Variants in USP42 observed in about 807,000 individuals in gnomAD.
USP42 encodes ubiquitin specific peptidase 42, also known as ubiquitin carboxyl-terminal hydrolase 42.
In USP42, 23 loss-of-function variants were observed where a neutral mutation model predicts 113.0. The observed-to-expected ratio is 0.20, with a 90% CI of 0.15 to 0.29. The LOEUF (loss-of-function observed/expected upper bound fraction) is 0.29. Ranked by LOEUF, USP42 falls within the 10% of genes least tolerant of loss-of-function variation. The pLI, the probability that USP42 is intolerant of heterozygous loss-of-function variation, is 1.00. For missense variants in USP42, 2,174 were observed against 1,779.8 expected (o/e 1.22, Z -3.99); for synonymous variants, 933 against 699.0 (o/e 1.33, Z -5.28).
intron 6 of USP42, 44 bp from the exon 7 acceptor site, chr7:6,140,870 A>G: frequency 9.2e-7 from 1 of 1,092,866 alleles, no homozygotes; most frequent in East Asian, 2.5e-5. Context: ...TGTTGCTGTA[A>G]TGATTATACT....
chr7:6,102,266 A>C (rs1042016943), upstream of USP42, among the ~76,000 whole-genome samples: 3 of 149,302 alleles, frequency 2.0e-5, no homozygotes, highest in African/African-American at 7.6e-5. Flanking sequence ...AGGTGCCATC[A>C]CCACAGCCAA....
the USP42 span, among the ~76,000 whole-genome samples, chr7:6,098,735 G>A: frequency 1.3e-5 from 2 of 149,560 alleles, no homozygotes; most frequent in Admixed American, 6.7e-5. Context: ...TAGTAGAGAC[G>A]GGGTTTCACC....
upstream of USP42, among the ~76,000 whole-genome samples, chr7:6,100,872 T>C (rs1790105694): frequency 6.6e-6 from 1 of 150,666 alleles, no homozygotes; most frequent in African/African-American, 2.5e-5. Flanking sequence ...TTCACCATGT[T>C]GGTCACGCTG....
intron 3 of USP42, among the ~76,000 whole-genome samples, chr7:6,129,707 A>C (rs1780741809): frequency 6.6e-6 from 1 of 152,038 alleles, no homozygotes; most frequent in Admixed American, 6.6e-5. Flanking sequence ...CTAAAAATAC[A>C]AAAATTAGCC....
intron 3 of USP42, among the ~76,000 whole-genome samples, chr7:6,129,559 G>GAAA (rs34404773): frequency 9.7e-6 from 1 of 103,334 alleles, no homozygotes; most frequent in Non-Finnish European, 2.0e-5. Flanking sequence ...TCTGCCTCAG[G>GAAA]AAAAAAAAAA....
chr7:6,114,678 ATTT>A (rs869283400), intron 2 of USP42, among the ~76,000 whole-genome samples: 4 of 18,872 alleles, frequency 2.1e-4, no homozygotes, highest in East Asian at 4.1e-3. Context: ...ATATATATAT[ATTT>A]TTTTTTTTTT....
chr7:6,103,406 G>C (rs1790193443), upstream of USP42, among the ~76,000 whole-genome samples: 1 of 150,294 alleles, frequency 6.7e-6, no homozygotes, highest in Admixed American at 6.6e-5. Context: ...CGTGGTGGCG[G>C]GCATCTGTAA....
the USP42 span, among the ~76,000 whole-genome samples, chr7:6,090,873 CTT>C: frequency 6.8e-6 from 1 of 148,140 alleles, no homozygotes; most frequent in Non-Finnish European, 1.5e-5. Flanking sequence ...TAGTAATCCT[CTT>C]GAGAGGACCT....
At chr7:6,123,173 C>A (rs1431774451) in intron 3 of USP42, among the ~76,000 whole-genome samples, 1 of 152,098 alleles carries the variant, frequency 6.6e-6, no homozygotes, top group East Asian at 1.9e-4. Flanking sequence ...TATGAAATGA[C>A]CCTCTTCATC....
At chr7:6,124,553 C>G (rs547193914) in intron 3 of USP42, among the ~76,000 whole-genome samples, 2 of 152,100 alleles carry the variant, frequency 1.3e-5, no homozygotes, top group Non-Finnish European at 2.9e-5. Context: ...AGTGAGCCCC[C>G]GTGCCCAGCT....
rs1782581461 is a variant in USP42, at chr7:6,158,372, G to T, written c.3944-1078G>T. Among the ~76,000 whole-genome samples, 1 of 152,238 alleles carries T rather than the reference G, an allele frequency of 6.6e-6. No individual in the cohort carries two copies. Among genetic ancestry groups the T allele is most frequent in the African/African-American group, 2.4e-5 (1 of 41,466 alleles). ...CCCATTGTTTGTGTTCACGTGTGAA[G>T]CGCATCCCCTCCTCCCAGGGGCTTT... On this transcript the variant is annotated intron_variant, in intron 16 of 17. Coordinates refer to ENST00000306177, the MANE Select transcript of USP42 (RefSeq NM_032172.3). This position sits in a 1 kb window ranked among gnomAD's most constrained non-coding sequence, Gnocchi z 4.2.
chr7:6,118,302 A>C (rs1362393921), intron 3 of USP42, among the ~76,000 whole-genome samples: 1 of 151,978 alleles, frequency 6.6e-6, no homozygotes, highest in Non-Finnish European at 1.5e-5. Context: ...CGGGTGGCTC[A>C]CTTGAGTTCA....
chr7:6,089,652 C>T, the USP42 span, among the ~76,000 whole-genome samples: 3 of 149,692 alleles, frequency 2.0e-5, no homozygotes, highest in Non-Finnish European at 4.4e-5. Flanking sequence ...CCTTCCTCAG[C>T]CTCCTGAGTA....
At chr7:6,147,648 C>T (rs1781791020) in intron 11 of USP42, 91 bp from the exon 12 acceptor site, 3 of 1,429,790 alleles carry the variant, frequency 2.1e-6, no homozygotes, top group Non-Finnish European at 1.9e-6. Flanking sequence ...CAGGTTTCCG[C>T]CTGAGGGGTT....
Position 6,145,508 on chromosome 7 carries a change from C to T in USP42, c.991-8C>T, listed in dbSNP as rs747859738. The T allele has an allele frequency of 4.7e-5, 76 of 1,613,872 alleles. No individual in the cohort carries two copies. The highest frequency in any genetic ancestry group is 6.7e-5 in the Admixed American group (4 of 60,014). On this transcript the variant is annotated splice_region_variant and splice_polypyrimidine_tract_variant and intron_variant, in intron 9 of 17. Transcript: ENST00000306177. ...GGAAATGTTTCTCCTGTTTCCATTT[C>T]CTTCTAGGATGTGAAATACCCTGAG...
chr7:6,115,363 C>T lies in USP42; in HGVS notation c.282C>T (p.Phe94=), dbSNP rs770630420. The T allele has an allele frequency of 7.4e-6, 12 of 1,614,032 alleles. No homozygotes were observed. Among genetic ancestry groups the T allele is most frequent in the Non-Finnish European group, 4.2e-6 (5 of 1,179,890 alleles). Residue 94 remains phenylalanine, a synonymous_variant, in exon 3 of 18, where the codon TTC becomes TTT. Coordinates refer to ENST00000306177, the MANE Select transcript of USP42 (RefSeq NM_032172.3). ...TCGCTCCTCCACAGAAAGTTCTTTTCCCATCTGAGAAGATTTGTCTTAAGT... is the reference window on the plus strand; with the variant it reads ...TCGCTCCTCCACAGAAAGTTCTTTTTCCATCTGAGAAGATTTGTCTTAAGT... ...DGIAPPQKVL[F]PSEKICLKWQ...
intron 3 of USP42, among the ~76,000 whole-genome samples, chr7:6,120,361 G>A (rs1179671080): frequency 6.6e-6 from 1 of 152,102 alleles, no homozygotes; most frequent in East Asian, 1.9e-4. Context: ...TCCTGCCTCA[G>A]CCTCCCAGGT....
In USP42 at chr7:6,139,307, C is replaced by G. The variant is rs1781322846; in HGVS notation, c.656+113C>G. ...TTGGAAGCACACAGAACAGTGTTCA[C>G]TTTACCTTTTGGCTTTGCTCTGCCT... is the stretch of plus-strand genomic sequence containing the variant. On this transcript the variant is annotated intron_variant, in intron 5 of 17. Coordinates refer to ENST00000306177, the MANE Select transcript of USP42 (RefSeq NM_032172.3). The surrounding 1 kb of genome is among the most constrained non-coding windows in gnomAD (Gnocchi z 4.5). 2.4e-6 allele frequency: 2 copies of G among 818,424 alleles called. No individual in the cohort carries two copies. Among genetic ancestry groups the G allele is most frequent in the South Asian group, 2.2e-5 (1 of 44,596 alleles). 50.7% of individuals were successfully genotyped at this position (818,424 alleles called of 1,614,324 possible).
At chr7:6,146,812 G>A (rs528457923) in intron 11 of USP42, among the ~76,000 whole-genome samples, 5 of 152,332 alleles carry the variant, frequency 3.3e-5, no homozygotes, top group South Asian at 4.1e-4. Flanking sequence ...GCTGACAAGG[G>A]TGGGCTTCTG....
Sources: gnomAD v4.1 joint callset for allele counts (sites outside exome capture counted in the v4.1 genomes callset) on GRCh38, gnomAD v4.1.1 for gene constraint, Gnocchi (gnomAD v3.1) non-coding constraint, MANE v1.5 for transcripts, NCBI Gene and HGNC (gene_info 2026-07-23, HGNC 2026-07-21) for gene names.